The following FILIP1L variants were observed in gnomAD, a reference collection of about 807,000 sequenced individuals.
The protein encoded by FILIP1L is filamin A-interacting protein 1-like.
FILIP1L carries 55 observed loss-of-function variants against 96.6 expected under a neutral mutation model. The ratio of observed to expected loss-of-function variants is 0.57; its 90% CI spans 0.46 to 0.71. FILIP1L has a LOEUF of 0.71. Ranked by LOEUF, FILIP1L falls within the 30% of genes least tolerant of loss-of-function variation. FILIP1L has a pLI of 0.00. For missense variants in FILIP1L, 1,304 were observed against 1,321.2 expected, an observed-to-expected ratio of 0.99 and a Z score of 0.20; for synonymous variants, 467 against 473.9, an observed-to-expected ratio of 0.99 and a Z score of 0.19.
At chr3:99,875,643 G>A (rs1178122814) in intron 4 of FILIP1L, among the ~76,000 whole-genome samples, 1 of 152,132 alleles carries the variant, frequency 6.6e-6, no homozygotes, top group Non-Finnish European at 1.5e-5. Context: ...TTTACAAAAA[G>A]AGGGGAAAAC....
At chr3:100,016,060 T>G (rs1281235864) in intron 1 of FILIP1L, among the ~76,000 whole-genome samples, 1 of 152,190 alleles carries the variant, frequency 6.6e-6, no homozygotes, top group African/African-American at 2.4e-5. Context: ...TGACCCAAGA[T>G]TATTATTCAC....
rs1472709769 is a variant in FILIP1L at position 99,930,811 on chromosome 3, A to G, written c.210T>C (p.Asp70=). 1 of 1,612,878 alleles carries G rather than the reference A, an allele frequency of 6.2e-7. No individual in the cohort carries two copies. The highest frequency in any genetic ancestry group is 8.5e-7 in the Non-Finnish European group (1 of 1,179,786). The change falls in exon 2 of 6, where the codon GAT becomes GAC. Residue 70 remains aspartate, a synonymous_variant. Coordinates refer to ENST00000477258, the MANE Select transcript of FILIP1L (RefSeq NM_001387850.1). ...GAATGCTGAGGAGAAATAACAGGTC[A>G]TCTCTTGAGAGGTCTTCTGCTTGGT... The part of the protein sequence containing the change: ...NGHQAEDLSR[D]DLLFLLSILE...
chr3:99,982,529 T>C (rs1309067348), intron 1 of FILIP1L, among the ~76,000 whole-genome samples: 1 of 151,978 alleles, frequency 6.6e-6, no homozygotes, highest in Non-Finnish European at 1.5e-5. Context: ...TTTTATAGAA[T>C]AAGAGTCTCT....
chr3:99,857,190 G>A (rs984516604), intron 4 of FILIP1L, among the ~76,000 whole-genome samples: 5 of 147,624 alleles, frequency 3.4e-5, no homozygotes, highest in African/African-American at 1.3e-4. Context: ...TTAAGAGGAT[G>A]CTCTAATATT....
intron 3 of FILIP1L, among the ~76,000 whole-genome samples, 181 bp downstream of exon 3, chr3:99,929,675 G>A (rs1249669228): frequency 6.6e-6 from 1 of 152,138 alleles, no homozygotes; most frequent in African/African-American, 2.4e-5. Context: ...GACGCATCCT[G>A]TCTATGGTTC....
At chr3:99,950,485 T>C (rs1708143258) in intron 1 of FILIP1L, among the ~76,000 whole-genome samples, 1 of 152,210 alleles carries the variant, frequency 6.6e-6, no homozygotes, top group Admixed American at 6.5e-5. Context: ...ATTTTTTCAC[T>C]TCTTTATATT....
At chr3:99,860,959 G>A (rs552903941) in intron 4 of FILIP1L, among the ~76,000 whole-genome samples, 7 of 152,022 alleles carry the variant, frequency 4.6e-5, no homozygotes, top group East Asian at 1.9e-4. Context: ...TCTTTATGCC[G>A]TTTACTCAGA....
In FILIP1L at chr3:99,951,026, TC is replaced by T. The variant is rs958498829; in HGVS notation, c.-10-19997del. Among the ~76,000 whole-genome samples the T allele has an allele frequency of 1.3e-5, 2 of 152,188 alleles. 1 individual carries two copies. The highest frequency in any genetic ancestry group is 4.8e-5 in the African/African-American group (2 of 41,444). ...GCTTGGTTTGGCCCACAGTTTCACC[TC>T]ATGCCCCTCCCTTTGTCACTCTTTC... On this transcript the variant is annotated intron_variant, in intron 1 of 5. Transcript: ENST00000477258.
chr3:99,918,748 C>G (rs1482974876), intron 4 of FILIP1L, among the ~76,000 whole-genome samples: 1 of 152,104 alleles, frequency 6.6e-6, no homozygotes, highest in Admixed American at 6.5e-5. Flanking sequence ...TGTGTTAGGT[C>G]CAGCATGTAT....
chr3:99,895,319 T>G (rs1706213163), intron 4 of FILIP1L, among the ~76,000 whole-genome samples: 1 of 151,886 alleles, frequency 6.6e-6, no homozygotes, highest in African/African-American at 2.4e-5. Flanking sequence ...GAATGAATCA[T>G]AATCCAACTA....
At position 99,957,848 on chromosome 3, in the gene FILIP1L, G is replaced by A. The variant is rs118147256; in HGVS notation, c.-10-26818C>T. ...AGTTCTTAGGCCTGGATATTTGTAT[G>A]TTCTTAATATAGGCCTAATAACAGC... On this transcript the variant is annotated intron_variant, in intron 1 of 5. Coordinates refer to ENST00000477258, the MANE Select transcript of FILIP1L (RefSeq NM_001387850.1). 3.2e-3 allele frequency among the ~76,000 whole-genome samples: 478 copies of A among 150,216 alleles called. 11 individuals are homozygous for A. In the East Asian group the frequency reaches 0.061, roughly 19 times the overall value.
At chr3:100,073,661 TAAA>T (rs1376872217) in intron 1 of FILIP1L, among the ~76,000 whole-genome samples, 2 of 152,204 alleles carry the variant, frequency 1.3e-5, no homozygotes, top group Non-Finnish European at 2.9e-5. Flanking sequence ...ATGCCAGTAA[TAAA>T]CCTTGAGGAA....
intron 4 of FILIP1L, among the ~76,000 whole-genome samples, chr3:99,910,336 A>G (rs1706750427): frequency 7.3e-6 from 1 of 137,080 alleles, no homozygotes; most frequent in Admixed American, 7.7e-5. Context: ...ACTGACTCAC[A>G]CTGTCGACTG....
intron 1 of FILIP1L, among the ~76,000 whole-genome samples, chr3:99,982,161 G>A (rs1283065337): frequency 1.3e-5 from 2 of 151,636 alleles, no homozygotes; most frequent in South Asian, 2.1e-4. Context: ...TATATATTTC[G>A]GTATATGTAT....
intron 4 of FILIP1L, among the ~76,000 whole-genome samples, chr3:99,855,795 A>G (rs985447490): frequency 8.5e-5 from 13 of 152,316 alleles, no homozygotes; most frequent in Admixed American, 2.6e-4. Context: ...TCCTTTTCAC[A>G]TTTTTAACTG....
intron 1 of FILIP1L, among the ~76,000 whole-genome samples, chr3:99,932,823 C>T (rs1269156789): frequency 1.3e-5 from 2 of 152,070 alleles, no homozygotes; most frequent in African/African-American, 4.8e-5. Context: ...CACAGGAGGC[C>T]GAGGTTGCAT....
At chr3:99,983,188 T>G (rs1709178313) in intron 1 of FILIP1L, among the ~76,000 whole-genome samples, 1 of 151,626 alleles carries the variant, frequency 6.6e-6, no homozygotes, top group East Asian at 1.9e-4. Context: ...GTTATCTAAC[T>G]TCTTTGAATT....
chr3:100,049,018 A>G (rs971360969), intron 1 of FILIP1L, among the ~76,000 whole-genome samples: 2 of 152,230 alleles, frequency 1.3e-5, no homozygotes, highest in African/African-American at 4.8e-5. Context: ...ATAAAAGAGT[A>G]TAGCAAACAA....
chr3:99,963,918 A>G (rs1037560104), intron 1 of FILIP1L, among the ~76,000 whole-genome samples: 1 of 152,136 alleles, frequency 6.6e-6, no homozygotes, highest in African/African-American at 2.4e-5. Flanking sequence ...GCCCAGCCAC[A>G]TCCATTTGTT....
Sources: allele counts gnomAD v4.1 joint callset (sites outside exome capture counted in the v4.1 genomes callset), GRCh38; gene constraint gnomAD v4.1.1; transcripts MANE v1.5; gene names NCBI Gene and HGNC (gene_info 2026-07-23, HGNC 2026-07-21).